The following PCDH10 variants were observed in gnomAD, a reference collection of about 807,000 sequenced individuals.
PCDH10 encodes protocadherin-10.
Under a neutral mutation model 74.4 loss-of-function variants are expected in PCDH10, and 15 were observed. The observed-to-expected ratio is 0.20, with a 90% confidence interval of 0.13 to 0.31. The LOEUF is 0.31. Ranked by LOEUF, PCDH10 falls within the 10% of genes least tolerant of loss-of-function variation. The pLI is 1.00. For synonymous variants in PCDH10, 619 were observed against 589.8 expected (o/e 1.05, Z -0.72); for missense variants, 1,260 against 1,390.2 (o/e 0.91, Z 1.49).
intron 4 of PCDH10, among the ~76,000 whole-genome samples, chr4:133,171,256 C>T (rs1218270587): frequency 1.3e-5 from 2 of 151,998 alleles, no homozygotes; most frequent in Admixed American, 6.6e-5. Context: ...AATTTATCAC[C>T]AAGTGTTTTA....
intron 4 of PCDH10, among the ~76,000 whole-genome samples, chr4:133,164,968 T>G (rs1471943910): frequency 6.8e-6 from 1 of 147,890 alleles, no homozygotes; most frequent in Non-Finnish European, 1.5e-5. Flanking sequence ...TACACATATA[T>G]TCATTATATA....
In PCDH10 at chr4:133,194,278, T is replaced by C. The variant is rs1208643740; in HGVS notation, c.*4118T>C. ...TTGAAGTTTTACTCTCCAGATGTTT[T>C]TGAGTTGCATAAAAATCTTGCATTC... On this transcript the variant is annotated 3_prime_UTR_variant, in exon 5 of 5. Coordinates refer to ENST00000264360, the MANE Select transcript of PCDH10 (RefSeq NM_032961.3). 1 of 151,882 alleles carries C rather than the reference T, an allele frequency of 6.6e-6. No individual in the cohort carries two copies. The highest frequency in any genetic ancestry group is 2.1e-4 in the South Asian group (1 of 4,836). The allele number at this position is 151,882 out of a possible 1,614,324, so 9.4% of individuals were successfully genotyped here.
chr4:133,198,714 G>A (rs1213245191), downstream of PCDH10, among the ~76,000 whole-genome samples: 1 of 152,172 alleles, frequency 6.6e-6, no homozygotes, highest in African/African-American at 2.4e-5. Context: ...TACTGGCATA[G>A]CTTTTTATCA....
chr4:133,176,052 G>A (rs1252193046), intron 4 of PCDH10, among the ~76,000 whole-genome samples: 1 of 152,060 alleles, frequency 6.6e-6, no homozygotes, highest in Admixed American at 6.6e-5. Context: ...TTCAGAATAG[G>A]TTTTCCCTAA....
chr4:133,190,930 AC>A lies in PCDH10; in HGVS notation c.*772del. On this transcript the variant is annotated 3_prime_UTR_variant, in exon 5 of 5. Transcript: ENST00000264360. The stretch of plus-strand genomic sequence containing the variant: ...TCTCCCAATTTCCATATCTTACTCA[AC>A]CGTGTTTTTCCTTGTTTAAAAGAAA... 1 of 152,300 alleles carries A rather than the reference AC, an allele frequency of 6.6e-6. No individual in the cohort carries two copies. The highest frequency in any genetic ancestry group is 2.4e-5 in the African/African-American group (1 of 41,496). 9.4% of individuals were successfully genotyped at this position (152,300 alleles called of 1,614,324 possible).
chr4:133,206,365 G>A (rs959269256), intron 2 of PCDH10, among the ~76,000 whole-genome samples: 1 of 152,114 alleles, frequency 6.6e-6, no homozygotes, highest in Non-Finnish European at 1.5e-5. Context: ...TAACCGGAGG[G>A]AATAGTTGAT....
At chr4:133,188,133 G>T (rs1366037447) in intron 4 of PCDH10, among the ~76,000 whole-genome samples, 1 of 152,088 alleles carries the variant, frequency 6.6e-6, no homozygotes, top group Admixed American at 6.5e-5. Context: ...TATTTTGAAA[G>T]GAGTAATATT....
At chr4:133,153,900 T>C (rs1468781808) in intron 1 of PCDH10, 1 of 164,842 alleles carries the variant, frequency 6.1e-6, no homozygotes, top group Non-Finnish European at 1.3e-5. Flanking sequence ...TTTTTGCTTA[T>C]TGAGCGTGCT....
intron 3 of PCDH10, among the ~76,000 whole-genome samples, chr4:133,161,684 C>A (rs979632000): frequency 5.3e-5 from 8 of 151,618 alleles, no homozygotes; most frequent in African/African-American, 1.9e-4. Flanking sequence ...TAATAATATA[C>A]TTTTGTTTTT....
rs911251251 is a variant in PCDH10 at position 133,151,912 on chromosome 4, C to T, written c.1772C>T (p.Pro591Leu). Residue 591 changes from proline (P) to leucine (L), a missense_variant, in exon 1 of 5, where the codon CCC (proline) becomes CTC (leucine). Around this residue, in one of 11 missense-constraint regions of PCDH10, gnomAD observed 587 missense variants for 616.9 expected, o/e 0.95. Coordinates refer to ENST00000264360, the MANE Select transcript of PCDH10 (RefSeq NM_032961.3). ...RNGTPAREVL[P>L]RSAEPGYLLT... ...GGGACTCCAGCGCGTGAGGTGCTGC[C>T]CCGCTCGGCGGAGCCGGGTTACCTG... 2 of 1,612,364 alleles carry T rather than the reference C, an allele frequency of 1.2e-6. No homozygotes were observed. The highest frequency in any genetic ancestry group is 2.7e-5 in the African/African-American group (2 of 74,948).
At chr4:133,184,977 ATACT>A (rs1343000111) in intron 4 of PCDH10, among the ~76,000 whole-genome samples, 19 of 148,234 alleles carry the variant, frequency 1.3e-4, no homozygotes, top group East Asian at 5.9e-4. Flanking sequence ...TGATTTAATC[ATACT>A]TACTTCTAAT....
At position 133,150,123 on chromosome 4, in the gene PCDH10, C is replaced by T. The variant is rs1726623538; in HGVS notation, c.-18C>T. On this transcript the variant is annotated 5_prime_UTR_variant, in exon 1 of 5. Coordinates refer to ENST00000264360, the MANE Select transcript of PCDH10 (RefSeq NM_032961.3). ...GTGGCTGACTGGCTGCGGGAAGCTA[C>T]TTCCTTTCCTTTTGGAGATGATTGT... is the stretch of plus-strand genomic sequence containing the variant. 6.7e-7 allele frequency: 1 copy of T among 1,489,772 alleles called. No homozygotes were observed. Among genetic ancestry groups the T allele is most frequent in the East Asian group, 2.4e-5 (1 of 42,502 alleles). The allele number at this position is 1,489,772 out of a possible 1,614,324, so 92.3% of individuals were successfully genotyped here.
rs1370288001 is a variant in PCDH10 at position 133,190,582 on chromosome 4, C to T, written c.*422C>T. Reference sequence around the variant, plus strand: ...TATTATTTTTGTGTGATCAAGTGTTCCGCAAGCTATTCCAACTTTACAAGA... The same window carrying T: ...TATTATTTTTGTGTGATCAAGTGTTTCGCAAGCTATTCCAACTTTACAAGA... On this transcript the variant is annotated 3_prime_UTR_variant, in exon 5 of 5. Coordinates refer to ENST00000264360, the MANE Select transcript of PCDH10 (RefSeq NM_032961.3). 2 of 159,748 alleles carry T rather than the reference C, an allele frequency of 1.3e-5. No individual in the cohort carries two copies. Among genetic ancestry groups the T allele is most frequent in the African/African-American group, 4.8e-5 (2 of 41,716 alleles). The allele number at this position is 159,748 out of a possible 1,614,324, so 9.9% of individuals were successfully genotyped here. A position where few individuals can be genotyped will look rare whatever the true frequency, so the allele number is the denominator to read the frequency against.
downstream of PCDH10, among the ~76,000 whole-genome samples, chr4:133,196,306 C>A (rs1727793819): frequency 6.6e-6 from 1 of 151,992 alleles, no homozygotes; most frequent in Admixed American, 6.6e-5. Context: ...GTGGGGGGAC[C>A]AGTGAATCAG....
At position 133,168,721 on chromosome 4, in the gene PCDH10, A is replaced by G. The variant is rs139391696; in HGVS notation, c.3103+5439A>G. 2.5e-3 allele frequency among the ~76,000 whole-genome samples: 375 copies of G among 151,778 alleles called. 2 individuals are homozygous for G. Among genetic ancestry groups the G allele is most frequent in the African/African-American group, 8.7e-3 (361 of 41,526 alleles). On this transcript the variant is annotated intron_variant, in intron 4 of 4. Transcript: ENST00000264360. ...GACTCATTATCCAGCTATGCATATT[A>G]TAAATGCTAAATAATTATGTGATGA...
intron 4 of PCDH10, among the ~76,000 whole-genome samples, chr4:133,183,062 A>G (rs1408081549): frequency 1.3e-5 from 2 of 152,052 alleles, no homozygotes; most frequent in African/African-American, 2.4e-5. Flanking sequence ...GTGTTTTTAG[A>G]TATCTTCCTC....
downstream of PCDH10, among the ~76,000 whole-genome samples, chr4:133,196,053 G>A (rs1727788425): frequency 6.6e-6 from 1 of 152,114 alleles, no homozygotes; most frequent in African/African-American, 2.4e-5. Context: ...TAGAATTGCT[G>A]TGAGGATTAG....
At chr4:133,173,993 C>T (rs951512752) in intron 4 of PCDH10, among the ~76,000 whole-genome samples, 3 of 151,856 alleles carry the variant, frequency 2.0e-5, no homozygotes, top group South Asian at 2.1e-4. Context: ...TATTATACAA[C>T]GAAGTCAGTT....
At chr4:133,166,874 TTC>T (rs1727093464) in intron 4 of PCDH10, among the ~76,000 whole-genome samples, 1 of 151,512 alleles carries the variant, frequency 6.6e-6, no homozygotes, top group African/African-American at 2.4e-5. Context: ...GTGAAAATAT[TTC>T]TTTGTCATAC....
Sources: gnomAD v4.1 joint callset for allele counts (sites outside exome capture counted in the v4.1 genomes callset) on GRCh38, gnomAD v4.1.1 for gene constraint, gnomAD v4.1.1 regional missense constraint, MANE v1.5 for transcripts, NCBI Gene and HGNC (gene_info 2026-07-23, HGNC 2026-07-21) for gene names.